CACNA2D3: variants seen among roughly 807,000 people sequenced by gnomAD.
CACNA2D3 encodes the protein voltage-dependent calcium channel subunit alpha-2/delta-3.
CACNA2D3 carries 60 observed loss-of-function variants against 160.6 expected under a neutral mutation model. That is an observed-to-expected ratio of 0.37 (90% CI 0.30 to 0.46). The LOEUF is 0.46. CACNA2D3 is among the 20% of genes least tolerant of loss of function. The probability of loss-of-function intolerance (pLI) is 1.00; values close to 1 mark genes in which losing one functional copy is unlikely to be tolerated. For synonymous variants in CACNA2D3, 558 were observed against 492.9 expected, an observed-to-expected ratio of 1.13 and a Z score of -1.75; for missense variants, 1,205 against 1,365.0, an observed-to-expected ratio of 0.88 and a Z score of 1.85.
At chr3:54,843,522 C>G (rs1436680839) in intron 16 of CACNA2D3, among the ~76,000 whole-genome samples, 1 of 152,090 alleles carries the variant, frequency 6.6e-6, no homozygotes, top group African/African-American at 2.4e-5. Flanking sequence ...TGGAGGGAGG[C>G]AGGGTTGGGT....
chr3:54,675,621 G>A lies in CACNA2D3; in HGVS notation c.1167+33380G>A, dbSNP rs185446013. 1.5e-4 allele frequency among the ~76,000 whole-genome samples: 23 copies of A among 152,232 alleles called. No homozygotes were observed. The South Asian group carries it at 2.3e-3, about 15-fold the overall frequency. The stretch of plus-strand genomic sequence containing the variant: ...CAGTGCTGAAGTAGAGGGAGGAGAC[G>A]CAGAGGATGAAGGCCATCATGCTGC... On this transcript the variant is annotated intron_variant, in intron 11 of 37. Transcript: ENST00000474759.
At chr3:54,202,503 C>G (rs1701198307) in intron 2 of CACNA2D3, among the ~76,000 whole-genome samples, 1 of 152,080 alleles carries the variant, frequency 6.6e-6, no homozygotes, top group Non-Finnish European at 1.5e-5. Context: ...GTTGATATAC[C>G]CATTTTCTTC....
chr3:54,375,061 T>G (rs1698987142), intron 3 of CACNA2D3, among the ~76,000 whole-genome samples: 1 of 152,178 alleles, frequency 6.6e-6, no homozygotes, highest in East Asian at 1.9e-4. Flanking sequence ...AGGCCCTTCC[T>G]TTGTTTTCTG....
intron 11 of CACNA2D3, among the ~76,000 whole-genome samples, chr3:54,724,049 C>G (rs1701228816): frequency 6.6e-6 from 1 of 152,088 alleles, no homozygotes. Flanking sequence ...CACACATAGG[C>G]TGAAAATGAA....
At chr3:55,012,920 C>T (rs13319276) in intron 34 of CACNA2D3, among the ~76,000 whole-genome samples, 17,958 of 151,932 alleles carry the variant, frequency 0.12, 1,233 homozygotes, top group African/African-American at 0.18. Context: ...ACCACCCCCA[C>T]CCCAGCTGGA....
intron 2 of CACNA2D3, among the ~76,000 whole-genome samples, chr3:54,313,719 A>T (rs755809465): frequency 4.7e-4 from 71 of 151,764 alleles, no homozygotes; most frequent in Non-Finnish European, 8.2e-4. Flanking sequence ...TCTTCCTGGC[A>T]TCTTTATCCC....
intron 9 of CACNA2D3, among the ~76,000 whole-genome samples, chr3:54,623,081 C>A (rs1699025970): frequency 6.6e-6 from 1 of 152,178 alleles, no homozygotes. Context: ...CATAAGGGAT[C>A]TTTTCAATTA....
intron 35 of CACNA2D3, among the ~76,000 whole-genome samples, chr3:55,056,123 C>T (rs1330321640): frequency 6.6e-6 from 1 of 151,930 alleles, no homozygotes; most frequent in Non-Finnish European, 1.5e-5. Context: ...AACAAAAACC[C>T]CAGTTAAAAA....
intron 11 of CACNA2D3, among the ~76,000 whole-genome samples, chr3:54,721,622 G>C (rs185225985): frequency 6.6e-6 from 1 of 151,900 alleles, no homozygotes; most frequent in African/African-American, 2.4e-5. Context: ...TTAGCCAGGC[G>C]TGGTGGTAGG....
Position 54,170,309 on chromosome 3 carries a change from G to A in CACNA2D3, c.204+46715G>A, listed in dbSNP as rs114993838. On this transcript the variant is annotated intron_variant, in intron 2 of 37. Transcript: ENST00000474759. ...AGAAGACCAGGATAATTTGCCCCTG[G>A]GCTCTGTTGACCTTCAGAGAGAGGC... Among the ~76,000 whole-genome samples, 870 of 152,178 alleles carry A rather than the reference G, an allele frequency of 5.7e-3. 6 individuals are homozygous for A. The highest frequency in any genetic ancestry group is 0.019 in the African/African-American group (802 of 41,488).
At chr3:54,932,088 A>G (rs908954545) in intron 27 of CACNA2D3, among the ~76,000 whole-genome samples, 1 of 152,156 alleles carries the variant, frequency 6.6e-6, no homozygotes, top group African/African-American at 2.4e-5. Context: ...AGGCTGAGGT[A>G]GGAGGATCAC....
intron 34 of CACNA2D3, among the ~76,000 whole-genome samples, chr3:55,011,513 A>G (rs914949416): frequency 6.6e-6 from 1 of 152,256 alleles, no homozygotes; most frequent in Non-Finnish European, 1.5e-5. Context: ...ATAAATTACA[A>G]CCCATCCACA....
intron 10 of CACNA2D3, chr3:54,633,612 C>T (rs1699294947): frequency 6.6e-6 from 1 of 152,112 alleles, no homozygotes; most frequent in Non-Finnish European, 1.5e-5. Flanking sequence ...CAGGCTCCTC[C>T]CCACTGCAAA....
At chr3:54,768,484 T>C (rs1305612037) in intron 13 of CACNA2D3, among the ~76,000 whole-genome samples, 2 of 152,150 alleles carry the variant, frequency 1.3e-5, no homozygotes, top group Admixed American at 6.5e-5. Context: ...CATACAGATA[T>C]AGGAAGTTAG....
intron 3 of CACNA2D3, chr3:54,386,044 A>G: frequency 2.2e-6 from 1 of 463,356 alleles, no homozygotes; most frequent in South Asian, 1.6e-5. Context: ...AAATGAAGGC[A>G]TTATGAAATG....
intron 4 of CACNA2D3, among the ~76,000 whole-genome samples, chr3:54,464,981 C>G (rs1471152529): frequency 6.6e-6 from 1 of 152,136 alleles, no homozygotes; most frequent in Non-Finnish European, 1.5e-5. Context: ...ATAATGTGAA[C>G]ATTTGTTCAC....
intron 4 of CACNA2D3, among the ~76,000 whole-genome samples, chr3:54,493,843 TG>T: frequency 6.6e-6 from 1 of 152,368 alleles, no homozygotes; most frequent in East Asian, 1.9e-4. Flanking sequence ...CTATGGCAGC[TG>T]TCATGCCACA....
chr3:54,651,555 G>C (rs1699764416), intron 11 of CACNA2D3, among the ~76,000 whole-genome samples: 1 of 152,082 alleles, frequency 6.6e-6, no homozygotes, highest in African/African-American at 2.4e-5. Flanking sequence ...GAGGGTAAAG[G>C]GATGCCCTTG....
At chr3:54,888,285 A>G (rs998207232) in intron 24 of CACNA2D3, among the ~76,000 whole-genome samples, 1 of 152,204 alleles carries the variant, frequency 6.6e-6, no homozygotes, top group South Asian at 2.1e-4. Context: ...GAAATTTGGT[A>G]CGCTGAGGTA....
Sources: allele counts gnomAD v4.1 joint callset (sites outside exome capture counted in the v4.1 genomes callset), GRCh38; gene constraint gnomAD v4.1.1; transcripts MANE v1.5; gene names NCBI Gene and HGNC (gene_info 2026-07-23, HGNC 2026-07-21).